SPATA18: variants seen among roughly 807,000 people sequenced by gnomAD.
The protein encoded by SPATA18 is spermatogenesis associated 18.
Under a neutral mutation model 68.1 loss-of-function variants are expected in SPATA18, and 54 were observed. The observed-to-expected ratio is 0.79, with a 90% CI of 0.64 to 0.99. The LOEUF is 0.99. SPATA18 is among the 50% of genes least tolerant of loss of function. SPATA18 has a pLI of 0.00. For synonymous variants in SPATA18, 242 were observed against 244.8 expected, an observed-to-expected ratio of 0.99 and a Z score of 0.11; for missense variants, 724 against 681.1, an observed-to-expected ratio of 1.06 and a Z score of -0.70.
chr4:52,083,032 C>T, intron 10 of SPATA18: 1 of 985,326 alleles, frequency 1.0e-6, no homozygotes, highest in South Asian at 4.7e-5. Flanking sequence ...AGGTCGCTTC[C>T]TATATCCATT....
chr4:52,088,758 C>A (rs1741669846), intron 11 of SPATA18, among the ~76,000 whole-genome samples: 1 of 152,092 alleles, frequency 6.6e-6, no homozygotes, highest in South Asian at 2.1e-4. Flanking sequence ...TTTGTTGTGT[C>A]TCTGCCAGGT....
At chr4:52,063,599 G>A (rs778806711) in intron 4 of SPATA18, among the ~76,000 whole-genome samples, 1 of 152,136 alleles carries the variant, frequency 6.6e-6, no homozygotes, top group Non-Finnish European at 1.5e-5. Flanking sequence ...TTGGTTTATC[G>A]TAGTCCATTT....
intron 6 of SPATA18, among the ~76,000 whole-genome samples, chr4:52,076,032 A>G (rs1334372021): frequency 6.6e-6 from 1 of 152,394 alleles, no homozygotes; most frequent in South Asian, 2.1e-4. Context: ...GAAAAGGGAC[A>G]TGAACTTGGA....
chr4:52,071,855 C>T, intron 5 of SPATA18, 62 bp from the exon 6 acceptor site: 2 of 1,536,154 alleles, frequency 1.3e-6, no homozygotes, highest in Non-Finnish European at 1.8e-6. Context: ...CCTTTCCTTC[C>T]TTCCTTCACT....
chr4:52,075,824 A>G (rs561152839), intron 6 of SPATA18, among the ~76,000 whole-genome samples: 11 of 152,180 alleles, frequency 7.2e-5, no homozygotes, highest in Non-Finnish European at 1.3e-4. Flanking sequence ...AGGATTATGG[A>G]CATGAGCTTC....
At position 52,060,859 on chromosome 4, in the gene SPATA18, C is replaced by G. The variant is rs1168000357; in HGVS notation, c.271C>G (p.Leu91Val). The change falls in exon 3 of 13, where the codon CTG becomes GTG. Residue 91 changes from leucine (L) to valine (V), a missense_variant. Coordinates refer to ENST00000295213, the MANE Select transcript of SPATA18 (RefSeq NM_145263.4). Reference sequence around the variant, plus strand: ...GGAGGCTTCCTTTACTGCTGCTTCCCTGGGAAAATCTGTTGACAGCAAGGT... The same window carrying G: ...GGAGGCTTCCTTTACTGCTGCTTCCGTGGGAAAATCTGTTGACAGCAAGGT... ...WLEASFTAAS[L>V]GKSVDSKVPS... 6.2e-7 allele frequency: 1 copy of G among 1,613,836 alleles called. No homozygotes were observed. The highest frequency in any genetic ancestry group is 1.7e-5 in the Admixed American group (1 of 59,978).
At chr4:52,064,109 G>A (rs984813781) in intron 4 of SPATA18, among the ~76,000 whole-genome samples, 11 of 151,720 alleles carry the variant, frequency 7.3e-5, no homozygotes, top group South Asian at 6.3e-4. Context: ...CTAGAATAGC[G>A]CTAAACATTT....
chr4:52,058,949 T>C (rs111732240), intron 1 of SPATA18, among the ~76,000 whole-genome samples: 5 of 152,354 alleles, frequency 3.3e-5, no homozygotes, highest in African/African-American at 1.2e-4. Flanking sequence ...GAGAATTAGC[T>C]GAGTTTATAT....
chr4:52,079,926 G>A lies in SPATA18; in HGVS notation c.1355+7G>A, dbSNP rs201158542. The A allele has an allele frequency of 2.5e-6, 4 of 1,610,060 alleles. No homozygotes were observed. Among genetic ancestry groups the A allele is most frequent in the Non-Finnish European group, 3.4e-6 (4 of 1,178,314 alleles). On this transcript the variant is annotated splice_region_variant and intron_variant, in intron 9 of 12. Transcript: ENST00000295213. ...AAGTTTTTAATGATTGCAAGTAAGA[G>A]ACACAGGAGCAGAAGCTAAGGGATT...
intron 1 of SPATA18, among the ~76,000 whole-genome samples, chr4:52,055,694 G>A (rs1023607125): frequency 1.3e-5 from 2 of 152,110 alleles, no homozygotes; most frequent in Non-Finnish European, 2.9e-5. Context: ...GGCCCCACGC[G>A]AGAGCAATTA....
At chr4:52,071,142 T>C (rs1739802987) in intron 5 of SPATA18, among the ~76,000 whole-genome samples, 1 of 152,214 alleles carries the variant, frequency 6.6e-6, no homozygotes, top group Admixed American at 6.5e-5. Context: ...GTAGTGCAGC[T>C]TTTCATTCTA....
intron 4 of SPATA18, among the ~76,000 whole-genome samples, chr4:52,066,790 T>C (rs1445164729): frequency 6.6e-6 from 1 of 152,224 alleles, no homozygotes; most frequent in African/African-American, 2.4e-5. Context: ...TTGCTGAAGA[T>C]AATGGCTTCT....
chr4:52,058,158 A>G (rs562483938), intron 1 of SPATA18, among the ~76,000 whole-genome samples: 1 of 152,372 alleles, frequency 6.6e-6, no homozygotes, highest in Non-Finnish European at 1.5e-5. Flanking sequence ...TGGGTTTTAA[A>G]TGCTCTATCA....
intron 7 of SPATA18, 137 bp downstream of exon 7, chr4:52,077,177 C>A: frequency 3.3e-6 from 3 of 905,682 alleles, no homozygotes; most frequent in Non-Finnish European, 4.9e-6. Flanking sequence ...CCCCATCTGT[C>A]TCCTTCCTTC....
intron 1 of SPATA18, among the ~76,000 whole-genome samples, chr4:52,053,085 A>G (rs1342247098): frequency 6.6e-6 from 1 of 152,178 alleles, no homozygotes; most frequent in Admixed American, 6.5e-5. Flanking sequence ...TCTAACATGT[A>G]TACAGTATTT....
intron 11 of SPATA18, among the ~76,000 whole-genome samples, chr4:52,085,544 A>C (rs1476406317): frequency 1.3e-5 from 2 of 152,170 alleles, no homozygotes; most frequent in African/African-American, 4.8e-5. Flanking sequence ...AACATCATGA[A>C]AACTATGAAG....
At chr4:52,055,288 C>G (rs784942) in intron 1 of SPATA18, among the ~76,000 whole-genome samples, 91,575 of 152,074 alleles carry the variant, frequency 0.6, 30,463 homozygotes, top group Middle Eastern at 0.79. Context: ...AACGTGGAAA[C>G]TTCTTATTCA....
Position 52,051,534 on chromosome 4 carries a change from C to G in SPATA18, c.-171C>G, listed in dbSNP as rs900842343. 4 of 657,360 alleles carry G rather than the reference C, an allele frequency of 6.1e-6. No individual in the cohort carries two copies. Among genetic ancestry groups the G allele is most frequent in the African/African-American group, 1.8e-5 (1 of 55,138 alleles). The allele number at this position is 657,360 out of a possible 1,614,324, so 40.7% of individuals were successfully genotyped here. ...CCAGGGCACCTCCCCTCTGGCTTCC[C>G]GAACCCGGCCAGGTCCGACCCGAGG... On this transcript the variant is annotated 5_prime_UTR_variant, in exon 1 of 13. Coordinates refer to ENST00000295213, the MANE Select transcript of SPATA18 (RefSeq NM_145263.4).
chr4:52,053,182 C>G (rs929981561), intron 1 of SPATA18, among the ~76,000 whole-genome samples: 4 of 152,130 alleles, frequency 2.6e-5, no homozygotes, highest in Non-Finnish European at 5.9e-5. Context: ...ACAAATAACA[C>G]TAGGATTTGT....
Sources: allele counts gnomAD v4.1 joint callset (sites outside exome capture counted in the v4.1 genomes callset), GRCh38; gene constraint gnomAD v4.1.1; transcripts MANE v1.5; gene names NCBI Gene and HGNC (gene_info 2026-07-23, HGNC 2026-07-21).